The following DOCK1 variants were observed in gnomAD, a reference collection of about 807,000 sequenced individuals.
The protein encoded by DOCK1 is dedicator of cytokinesis 1, also known as dedicator of cytokinesis protein 1.
Under a neutral mutation model 262.7 loss-of-function variants are expected in DOCK1, and 138 were observed. That is an observed-to-expected ratio of 0.53 (90% CI 0.46 to 0.61). The LOEUF (loss-of-function observed/expected upper bound fraction) is 0.61, where lower values mean the gene tolerates loss of function less well. Among genes scored for constraint, DOCK1 ranks in the 20% least tolerant of loss-of-function variants. The probability of loss-of-function intolerance (pLI) is 0.00; values close to 1 mark genes in which losing one functional copy is unlikely to be tolerated. For missense variants in DOCK1, 1,908 were observed against 2,370.7 expected (o/e 0.80, Z 4.05); for synonymous variants, 866 against 867.4 (o/e 1.00, Z 0.03).
intron 27 of DOCK1, among the ~76,000 whole-genome samples, chr10:127,149,833 G>T (rs1338660999): frequency 6.6e-6 from 1 of 152,194 alleles, no homozygotes; most frequent in East Asian, 1.9e-4. Flanking sequence ...CAATCCCGGG[G>T]TGTTCCAGGC....
intron 24 of DOCK1, among the ~76,000 whole-genome samples, chr10:127,109,371 A>T (rs59106532): frequency 2.6e-5 from 4 of 152,354 alleles, no homozygotes; most frequent in East Asian, 1.9e-4. Flanking sequence ...GTGTATTTTT[A>T]AAAAATTGCT....
intron 27 of DOCK1, among the ~76,000 whole-genome samples, chr10:127,186,515 G>C (rs58421021): frequency 0.79 from 8,904 of 11,328 alleles, 3,382 homozygotes; most frequent in Middle Eastern, 1. Context: ...CCGCCCCCCC[G>C]CCCCCCCCCG....
At chr10:127,385,127 C>T (rs919220271) in intron 38 of DOCK1, among the ~76,000 whole-genome samples, 1 of 152,118 alleles carries the variant, frequency 6.6e-6, no homozygotes, top group Non-Finnish European at 1.5e-5. Context: ...TCTAAAAAAG[C>T]ACCAAGTATT....
chr10:126,906,387 G>T (rs1008092085), intron 1 of DOCK1, among the ~76,000 whole-genome samples: 5 of 152,206 alleles, frequency 3.3e-5, no homozygotes, highest in Admixed American at 2.0e-4. Flanking sequence ...ACCCGCAGCC[G>T]GTCGCCGAGG....
chr10:127,254,579 G>A (rs1434185622), intron 28 of DOCK1, among the ~76,000 whole-genome samples: 1 of 152,192 alleles, frequency 6.6e-6, no homozygotes, highest in Admixed American at 6.5e-5. Flanking sequence ...TCCCTCCATT[G>A]TGAAAGTATG....
chr10:126,955,429 T>C (rs1455290988), intron 1 of DOCK1, among the ~76,000 whole-genome samples: 2 of 152,200 alleles, frequency 1.3e-5, no homozygotes, highest in Non-Finnish European at 2.9e-5. Context: ...TTATCATAAT[T>C]TTTGAACAAA....
chr10:127,409,408 T>A lies in DOCK1; in HGVS notation c.4343+17T>A. 1 of 1,613,362 alleles carries A rather than the reference T, an allele frequency of 6.2e-7. No individual in the cohort carries two copies. Among genetic ancestry groups the A allele is most frequent in the East Asian group, 2.2e-5 (1 of 44,878 alleles). On this transcript the variant is annotated intron_variant, in intron 42 of 51. Transcript: ENST00000623213. The stretch of plus-strand genomic sequence containing the variant: ...GATTGTAAGGTAATAATCCCATTTT[T>A]CTTACCCAACGTGAGGGTTGTAAGA...
At chr10:127,146,129 C>T in intron 27 of DOCK1, 1 of 486,044 alleles carries the variant, frequency 2.1e-6, no homozygotes, top group South Asian at 1.5e-5. Context: ...TCTTTATCTT[C>T]CCATGAAACT....
chr10:127,298,665 C>T (rs2061581028), intron 29 of DOCK1, among the ~76,000 whole-genome samples: 1 of 152,168 alleles, frequency 6.6e-6, no homozygotes, highest in African/African-American at 2.4e-5. Context: ...TTATTAAATC[C>T]TAGGAAGACA....
intron 21 of DOCK1, among the ~76,000 whole-genome samples, chr10:127,046,101 A>G (rs913090088): frequency 1.3e-5 from 2 of 151,520 alleles, no homozygotes; most frequent in East Asian, 1.9e-4. Flanking sequence ...TTCTTTTTTT[A>G]ATTGGTTTGA....
At chr10:127,331,014 G>A (rs1041547098) in intron 29 of DOCK1, among the ~76,000 whole-genome samples, 1 of 152,300 alleles carries the variant, frequency 6.6e-6, no homozygotes, top group Non-Finnish European at 1.5e-5. Flanking sequence ...CCTCTCAGCA[G>A]GAGGGCATGC....
At chr10:126,980,472 G>T (rs1281625237) in intron 3 of DOCK1, among the ~76,000 whole-genome samples, 58 of 152,102 alleles carry the variant, frequency 3.8e-4, no homozygotes, top group Non-Finnish European at 2.9e-5. Context: ...CCGAAGTGCC[G>T]GTTGCAGGTG....
chr10:127,066,533 C>G (rs2045885666), intron 23 of DOCK1, among the ~76,000 whole-genome samples: 1 of 152,124 alleles, frequency 6.6e-6, no homozygotes, highest in Non-Finnish European at 1.5e-5. Flanking sequence ...GACATCCAGA[C>G]AGCTTCATAG....
intron 22 of DOCK1, among the ~76,000 whole-genome samples, chr10:127,053,293 G>A (rs2044875188): frequency 6.6e-6 from 1 of 152,208 alleles, no homozygotes; most frequent in Non-Finnish European, 1.5e-5. Context: ...AGCGAGCGGA[G>A]ATCGCGCCAC....
At chr10:127,438,659 A>T (rs2069859718) in intron 48 of DOCK1, among the ~76,000 whole-genome samples, 1 of 152,188 alleles carries the variant, frequency 6.6e-6, no homozygotes, top group Non-Finnish European at 1.5e-5. Flanking sequence ...ATTTTTCCCC[A>T]TTAAAAAATA....
rs191747892 is a variant in DOCK1, at chr10:127,079,792, G to A, written c.2445+18016G>A. Among the ~76,000 whole-genome samples the A allele has an allele frequency of 1.9e-3, 291 of 152,258 alleles. 2 individuals carry two copies. Among genetic ancestry groups the A allele is most frequent in the African/African-American group, 6.6e-3 (274 of 41,538 alleles). ...CTAAAAATACAAAAATTAGCTGGGC[G>A]TGTAGGTGCATGCCTGTAATCCCAG... On this transcript the variant is annotated intron_variant, in intron 23 of 51. Transcript: ENST00000623213.
At chr10:127,294,777 T>C (rs1331485879) in intron 29 of DOCK1, among the ~76,000 whole-genome samples, 1 of 152,022 alleles carries the variant, frequency 6.6e-6, no homozygotes, top group African/African-American at 2.4e-5. Context: ...GCCTCCCAAG[T>C]AGCTGGGACT....
chr10:127,052,747 G>A lies in DOCK1; in HGVS notation c.2268G>A (p.Leu756=). ...GAEKPGVNEQ[L]YKAMKALESI... ...AGAAGCCGGGAGTAAATGAGCAGCT[G>A]TACAAAGCCATGAAAGCGCTAGAAT... The change falls in exon 22 of 52, where the codon CTG becomes CTA. Residue 756 remains leucine (L), a synonymous_variant. Coordinates refer to ENST00000623213, the MANE Select transcript of DOCK1 (RefSeq NM_001290223.2). The A allele has an allele frequency of 6.2e-7, 1 of 1,613,942 alleles. No individual in the cohort carries two copies. Among genetic ancestry groups the A allele is most frequent in the Non-Finnish European group, 8.5e-7 (1 of 1,179,884 alleles).
At chr10:127,429,076 A>ATTGGGGTGTCGTGTGGATTGGGGTGCTG (rs2069098880) in intron 47 of DOCK1, among the ~76,000 whole-genome samples, 1 of 109,390 alleles carries the variant, frequency 9.1e-6, no homozygotes, top group Non-Finnish European at 2.0e-5. Flanking sequence ...TTGGGGTACC[A>ATTGGGGTGTCGTGTGGATTGGGGTGCTG]TGTGGATTGG....
Sources: gnomAD v4.1 joint callset for allele counts (sites outside exome capture counted in the v4.1 genomes callset) on GRCh38, gnomAD v4.1.1 for gene constraint, MANE v1.5 for transcripts, NCBI Gene and HGNC (gene_info 2026-07-23, HGNC 2026-07-21) for gene names.